The following RNF8 variants were observed in gnomAD, a reference collection of about 807,000 sequenced individuals.
RNF8 encodes the protein E3 ubiquitin-protein ligase RNF8.
A neutral mutation model predicts 59.3 loss-of-function variants in RNF8; 8 were observed. The observed-to-expected ratio is 0.13, with a 90% confidence interval of 0.08 to 0.24. The LOEUF (loss-of-function observed/expected upper bound fraction) is 0.24, where lower values mean the gene tolerates loss of function less well. Among genes scored for constraint, RNF8 ranks in the 10% least tolerant of loss-of-function variants. The pLI is 1.00. For synonymous variants in RNF8, 162 were observed against 200.0 expected, an observed-to-expected ratio of 0.81 and a Z score of 1.60; for missense variants, 406 against 572.6, an observed-to-expected ratio of 0.71 and a Z score of 2.97.
At position 37,380,452 on chromosome 6, in the gene RNF8, C is replaced by T. The variant is rs943988131; in HGVS notation, c.1237-698C>T. Among the ~76,000 whole-genome samples, 43 of 151,894 alleles carry T rather than the reference C, an allele frequency of 2.8e-4. 1 individual carries two copies. Among genetic ancestry groups the T allele is most frequent in the Admixed American group, 2.2e-3 (34 of 15,246 alleles). On this transcript the variant is annotated intron_variant, in intron 6 of 7. Transcript: ENST00000373479. ...TTGGGAGGCCGAGGCGGGCAGATCA[C>T]GAGGTCAGGAGATCGAGACCATCCT...
intron 7 of RNF8, among the ~76,000 whole-genome samples, chr6:37,389,368 T>A (rs1165359887): frequency 6.6e-6 from 1 of 151,094 alleles, no homozygotes; most frequent in African/African-American, 2.4e-5. Context: ...GGGGAGTGAG[T>A]ATGAGGTGAG....
At chr6:37,361,615 G>T (rs1325811800) in intron 2 of RNF8, 1 of 304,434 alleles carries the variant, frequency 3.3e-6, no homozygotes, top group Admixed American at 4.8e-5. Context: ...ATGTCTTTAA[G>T]TGCCATTTCA....
In RNF8 at chr6:37,374,254, T is replaced by C. The variant is rs1769924838; in HGVS notation, c.1039-366T>C. 3.3e-5 allele frequency among the ~76,000 whole-genome samples: 5 copies of C among 152,190 alleles called. No individual in the cohort carries two copies. In the South Asian group the frequency reaches 1.0e-3, roughly 32 times the overall value. ...TCTTAAATACTGTTCCCAGAATCAC[T>C]TGGGTGGCTTTAAAAAAAAAGAAAA... On this transcript the variant is annotated intron_variant, in intron 4 of 7. Coordinates refer to ENST00000373479, the MANE Select transcript of RNF8 (RefSeq NM_003958.4).
At chr6:37,366,825 G>T (rs896233643) in intron 2 of RNF8, among the ~76,000 whole-genome samples, 1 of 152,104 alleles carries the variant, frequency 6.6e-6, no homozygotes, top group African/African-American at 2.4e-5. Flanking sequence ...CCTTGATACG[G>T]GTTAAAATGC....
rs1301859932 is a variant in RNF8, at chr6:37,365,213, C to A, written c.241-3271C>A. ...CGATAATGCAACAGTGTGGACGAAT[C>A]TCAGAGGCGTTACACTAAGTGAAAG... On this transcript the variant is annotated intron_variant, in intron 2 of 7. Coordinates refer to ENST00000373479, the MANE Select transcript of RNF8 (RefSeq NM_003958.4). Among the ~76,000 whole-genome samples, 5 of 152,162 alleles carry A rather than the reference C, an allele frequency of 3.3e-5. 1 individual carries two copies.
intron 2 of RNF8, among the ~76,000 whole-genome samples, chr6:37,363,972 G>A (rs1225759761): frequency 6.6e-6 from 1 of 152,114 alleles, no homozygotes; most frequent in Non-Finnish European, 1.5e-5. Flanking sequence ...GAGGTCAGGA[G>A]ATCGAGACCA....
intron 1 of RNF8, 140 bp downstream of exon 1, chr6:37,354,415 G>GC (rs1562081365): frequency 2.9e-6 from 2 of 695,612 alleles, no homozygotes; most frequent in Non-Finnish European, 2.3e-6. Context: ...AGTGTCTGTG[G>GC]GGGGGGTGGA....
At chr6:37,361,246 G>T in intron 2 of RNF8, 2 of 454,546 alleles carry the variant, frequency 4.4e-6, no homozygotes, top group South Asian at 3.1e-5. Flanking sequence ...CCAGAGGATT[G>T]TTTGAGCCCA....
intron 5 of RNF8, 145 bp from the exon 6 acceptor site, chr6:37,376,781 A>G (rs1305932041): frequency 3.3e-6 from 2 of 613,042 alleles, no homozygotes; most frequent in African/African-American, 1.8e-5. Context: ...AGCCTTAGGG[A>G]AAGTGTTCTA....
At chr6:37,380,670 C>CA (rs1270420232) in intron 6 of RNF8, among the ~76,000 whole-genome samples, 7,274 of 105,014 alleles carry the variant, frequency 0.069, 397 homozygotes, top group African/African-American at 0.16. Context: ...GACTCCGTCT[C>CA]AAAAAAAAAA....
intron 4 of RNF8, among the ~76,000 whole-genome samples, chr6:37,374,286 A>C (rs1653996546): frequency 6.6e-6 from 1 of 152,194 alleles, no homozygotes; most frequent in Non-Finnish European, 1.5e-5. Context: ...AAAAAAAGAA[A>C]AGCACATTTC....
chr6:37,384,186 G>A (rs1770399869), intron 7 of RNF8, among the ~76,000 whole-genome samples: 1 of 148,688 alleles, frequency 6.7e-6, no homozygotes, highest in Non-Finnish European at 1.5e-5. Context: ...AGGCTGAAAG[G>A]CTGAAGTTTA....
At chr6:37,384,076 G>A (rs1770391270) in intron 7 of RNF8, among the ~76,000 whole-genome samples, 1 of 150,852 alleles carries the variant, frequency 6.6e-6, no homozygotes, top group Admixed American at 6.6e-5. Flanking sequence ...CTTTAGAACA[G>A]TGATTTTCAA....
chr6:37,356,216 G>A (rs1428011599), intron 1 of RNF8, among the ~76,000 whole-genome samples: 1 of 152,204 alleles, frequency 6.6e-6, no homozygotes, highest in Non-Finnish European at 1.5e-5. Context: ...ACTGTGGCTG[G>A]CTTCAGGGAC....
intron 7 of RNF8, among the ~76,000 whole-genome samples, chr6:37,386,833 A>G (rs1770525217): frequency 6.6e-6 from 1 of 152,182 alleles, no homozygotes; most frequent in African/African-American, 2.4e-5. Flanking sequence ...GACACTTCAG[A>G]TTGTTCATTG....
intron 2 of RNF8, chr6:37,368,256 A>T (rs1236577606): frequency 2.4e-6 from 2 of 849,990 alleles, no homozygotes; most frequent in South Asian, 3.1e-5. Context: ...CCTGCCTGTT[A>T]TATGGCAGTT....
rs535805903 is a variant in RNF8 at position 37,392,945 on chromosome 6, C to G, written c.*2187C>G. 5.4e-4 allele frequency: 135 copies of G among 248,006 alleles called. 1 individual carries two copies. Among genetic ancestry groups the G allele is most frequent in the Non-Finnish European group, 9.0e-4 (120 of 132,732 alleles). 15.4% of individuals were successfully genotyped at this position (248,006 alleles called of 1,614,324 possible). ...CTGAGATTACAGGCATGAGCCATTG[C>G]ACCTGGCCAAGAAGAGACATCTTGA... On this transcript the variant is annotated 3_prime_UTR_variant, in exon 8 of 8. Transcript: ENST00000373479.
intron 2 of RNF8, among the ~76,000 whole-genome samples, chr6:37,362,102 C>A (rs114983681): frequency 6.6e-6 from 1 of 152,112 alleles, no homozygotes; most frequent in Non-Finnish European, 1.5e-5. Context: ...TCTGTAATAG[C>A]GTATATCAAA....
intron 2 of RNF8, among the ~76,000 whole-genome samples, chr6:37,365,936 C>A (rs1174277162): frequency 1.3e-5 from 2 of 152,090 alleles, no homozygotes; most frequent in Non-Finnish European, 2.9e-5. Context: ...TTAAATTATA[C>A]CACTAGATGT....
Sources: allele counts gnomAD v4.1 joint callset (sites outside exome capture counted in the v4.1 genomes callset), GRCh38; gene constraint gnomAD v4.1.1; transcripts MANE v1.5; gene names NCBI Gene and HGNC (gene_info 2026-07-23, HGNC 2026-07-21).